XYLT1: variants seen among roughly 807,000 people sequenced by gnomAD.
XYLT1 encodes beta-D-xylosyltransferase 1.
In XYLT1, 36 loss-of-function variants were observed where a neutral mutation model predicts 91.3. The ratio of observed to expected loss-of-function variants is 0.39; its 90% CI spans 0.30 to 0.52. XYLT1 has a LOEUF of 0.52. XYLT1 is among the 20% of genes least tolerant of loss of function. The pLI, the probability that XYLT1 is intolerant of heterozygous loss-of-function variation, is 0.68. For synonymous variants in XYLT1, 588 were observed against 532.0 expected (o/e 1.11, Z -1.45); for missense variants, 1,242 against 1,284.5 (o/e 0.97, Z 0.51).
chr16:17,257,927 A>G (rs1039305697), intron 3 of XYLT1, among the ~76,000 whole-genome samples: 1 of 152,154 alleles, frequency 6.6e-6, no homozygotes, highest in Non-Finnish European at 1.5e-5. Context: ...AGAAGGTGAA[A>G]ATCACTACCA....
At chr16:17,336,362 G>T (rs1055536916) in intron 2 of XYLT1, among the ~76,000 whole-genome samples, 1 of 152,160 alleles carries the variant, frequency 6.6e-6, no homozygotes, top group South Asian at 2.1e-4. Context: ...TTCTGTCAGG[G>T]AAATAAAATA....
At chr16:17,343,507 A>G (rs2035095580) in intron 2 of XYLT1, among the ~76,000 whole-genome samples, 3 of 152,112 alleles carry the variant, frequency 2.0e-5, no homozygotes, top group South Asian at 2.1e-4. Flanking sequence ...ATCTCGCTCT[A>G]TCACCCAGGC....
At chr16:17,195,514 C>T (rs1051926248) in intron 5 of XYLT1, among the ~76,000 whole-genome samples, 12 of 151,840 alleles carry the variant, frequency 7.9e-5, no homozygotes, top group African/African-American at 2.7e-4. Context: ...GGCGCGATAT[C>T]GGCTCACTAC....
chr16:17,422,458 C>T (rs1258587578), intron 1 of XYLT1, among the ~76,000 whole-genome samples: 1 of 152,054 alleles, frequency 6.6e-6, no homozygotes, highest in Non-Finnish European at 1.5e-5. Context: ...TTTGGTCTCT[C>T]AAAGTGCTAG....
At chr16:17,252,447 T>C (rs979298803) in intron 3 of XYLT1, among the ~76,000 whole-genome samples, 2 of 152,118 alleles carry the variant, frequency 1.3e-5, no homozygotes, top group Non-Finnish European at 2.9e-5. Context: ...TCAAAACAAA[T>C]TTCTCGGAGG....
intron 11 of XYLT1, among the ~76,000 whole-genome samples, chr16:17,111,352 C>T (rs996908521): frequency 6.6e-5 from 10 of 152,112 alleles, no homozygotes; most frequent in South Asian, 2.1e-4. Context: ...ATTTTGAAGA[C>T]GTTCACATTC....
At chr16:17,110,124 C>T (rs1265178425) in intron 11 of XYLT1, among the ~76,000 whole-genome samples, 1 of 152,224 alleles carries the variant, frequency 6.6e-6, no homozygotes, top group Non-Finnish European at 1.5e-5. Flanking sequence ...TTCTGACCTC[C>T]ATGCCTTGTA....
At chr16:17,362,015 C>T (rs1301363571) in intron 1 of XYLT1, among the ~76,000 whole-genome samples, 1 of 152,114 alleles carries the variant, frequency 6.6e-6, no homozygotes, top group Non-Finnish European at 1.5e-5. Flanking sequence ...AAACTGATGA[C>T]CAGAGAGACT....
At chr16:17,199,729 G>A (rs1437332734) in intron 4 of XYLT1, among the ~76,000 whole-genome samples, 1 of 152,152 alleles carries the variant, frequency 6.6e-6, no homozygotes, top group Non-Finnish European at 1.5e-5. Flanking sequence ...TGTAAGACTT[G>A]CTTTTTGCCT....
At chr16:17,460,114 G>C (rs1385135666) in intron 1 of XYLT1, among the ~76,000 whole-genome samples, 1 of 152,218 alleles carries the variant, frequency 6.6e-6, no homozygotes. Context: ...AAGACACAGA[G>C]ATGAAAGTCA....
intron 1 of XYLT1, among the ~76,000 whole-genome samples, chr16:17,390,954 C>T (rs1375283498): frequency 2.0e-5 from 3 of 152,168 alleles, no homozygotes; most frequent in Non-Finnish European, 4.4e-5. Context: ...AGGAGAATCG[C>T]TTGAACCTGG....
At chr16:17,404,376 G>A (rs933125781) in intron 1 of XYLT1, among the ~76,000 whole-genome samples, 5 of 152,186 alleles carry the variant, frequency 3.3e-5, no homozygotes, top group Non-Finnish European at 7.3e-5. Context: ...ATACTAGCAA[G>A]CCTGCAAAGT....
intron 6 of XYLT1, among the ~76,000 whole-genome samples, chr16:17,157,066 G>A (rs1159814494): frequency 6.6e-6 from 1 of 151,876 alleles, no homozygotes; most frequent in Non-Finnish European, 1.5e-5. Context: ...TCCTGCCTCA[G>A]CCTCCCAAGT....
intron 2 of XYLT1, among the ~76,000 whole-genome samples, chr16:17,341,701 A>T (rs939404543): frequency 6.6e-6 from 1 of 152,224 alleles, no homozygotes; most frequent in Non-Finnish European, 1.5e-5. Flanking sequence ...ATCTCTGAAG[A>T]ATAGGTATAG....
chr16:17,414,870 G>A (rs943214087), intron 1 of XYLT1, among the ~76,000 whole-genome samples: 54 of 152,246 alleles, frequency 3.5e-4, no homozygotes, highest in African/African-American at 1.2e-3. Context: ...TAAAGCGCAT[G>A]AATACCCAAC....
At chr16:17,422,790 A>G (rs546885345) in intron 1 of XYLT1, among the ~76,000 whole-genome samples, 2 of 152,328 alleles carry the variant, frequency 1.3e-5, no homozygotes, top group East Asian at 3.9e-4. Context: ...TACTGGGATT[A>G]CAGGTGTGAG....
intron 2 of XYLT1, among the ~76,000 whole-genome samples, chr16:17,279,757 C>T (rs755830916): frequency 2.0e-5 from 3 of 152,182 alleles, no homozygotes; most frequent in Admixed American, 6.5e-5. Context: ...AGGCCTCCTC[C>T]TCTGCATATT....
In XYLT1 at chr16:17,231,362, G is replaced by T. The variant is rs148447053; in HGVS notation, c.913+27626C>A. Among the ~76,000 whole-genome samples the T allele has an allele frequency of 3.7e-3, 562 of 152,294 alleles. 5 individuals carry two copies. Among genetic ancestry groups the T allele is most frequent in the African/African-American group, 0.013 (544 of 41,544 alleles). On this transcript the variant is annotated intron_variant, in intron 3 of 11. Transcript: ENST00000261381. ...ATCCTACAGGGCCTTTCTCCCCACA[G>T]GCAGTGGGGGGCAGTGGGGTGCAGT...
intron 3 of XYLT1, among the ~76,000 whole-genome samples, chr16:17,217,390 A>G (rs563181660): frequency 1.3e-5 from 2 of 152,370 alleles, no homozygotes; most frequent in African/African-American, 4.8e-5. Context: ...CCCAGATATT[A>G]GTGCCAAAAT....
Sources: gnomAD v4.1 joint callset for allele counts (sites outside exome capture counted in the v4.1 genomes callset) on GRCh38, gnomAD v4.1.1 for gene constraint, MANE v1.5 for transcripts, NCBI Gene and HGNC (gene_info 2026-07-23, HGNC 2026-07-21) for gene names.